STARD13: variants seen among roughly 807,000 people sequenced by gnomAD.
STARD13 encodes the protein stAR-related lipid transfer protein 13.
A neutral mutation model predicts 106.4 loss-of-function variants in STARD13; 62 were observed. The observed-to-expected ratio is 0.58, with a 90% CI of 0.48 to 0.72. The LOEUF (loss-of-function observed/expected upper bound fraction) is 0.72, where lower values mean the gene tolerates loss of function less well. Among genes scored for constraint, STARD13 ranks in the 30% least tolerant of loss-of-function variants. STARD13 has a pLI of 0.00. For missense variants in STARD13, 1,387 were observed against 1,424.0 expected, an observed-to-expected ratio of 0.97 and a Z score of 0.42; for synonymous variants, 565 against 553.0, an observed-to-expected ratio of 1.02 and a Z score of -0.31.
At chr13:33,652,543 G>C in the STARD13 span, among the ~76,000 whole-genome samples, 1 of 152,136 alleles carries the variant, frequency 6.6e-6, no homozygotes, top group Admixed American at 6.5e-5. Context: ...ACTCTTAACA[G>C]CTTCATAATT....
intron 1 of STARD13, chr13:33,272,883 A>G (rs1891229703): frequency 6.6e-6 from 1 of 152,240 alleles, no homozygotes; most frequent in Non-Finnish European, 1.5e-5. Flanking sequence ...AAATGCAATT[A>G]TCAATTGGGA....
chr13:33,489,502 C>T, the STARD13 span, among the ~76,000 whole-genome samples: 1 of 152,126 alleles, frequency 6.6e-6, no homozygotes, highest in East Asian at 1.9e-4. Flanking sequence ...TAATACATGA[C>T]TTAGAGAAAT....
Position 33,305,252 on chromosome 13 carries a change from T to C in STARD13, c.124+45038A>G, listed in dbSNP as rs371515836. Among the ~76,000 whole-genome samples the C allele has an allele frequency of 4.5e-4, 69 of 152,304 alleles. No individual in the cohort carries two copies. In the South Asian group the frequency reaches 4.6e-3, roughly 10 times the overall value. ...GGTACATTTCTTCATTCCTTCACCA[T>C]ACATTTAATGAGCACTTACTTTACT... On this transcript the variant is annotated intron_variant, in intron 1 of 5. Transcript: ENST00000567873.
the STARD13 span, among the ~76,000 whole-genome samples, chr13:33,453,668 T>C: frequency 1.6e-4 from 25 of 152,224 alleles, no homozygotes; most frequent in African/African-American, 5.5e-4. Flanking sequence ...AAAACTATTA[T>C]TGACCAAAAC....
At chr13:33,389,892 G>C in the STARD13 span, among the ~76,000 whole-genome samples, 2 of 152,098 alleles carry the variant, frequency 1.3e-5, no homozygotes, top group Admixed American at 6.5e-5. Context: ...CACAAGTCTG[G>C]AAGTAATTCA....
intron 1 of STARD13, among the ~76,000 whole-genome samples, chr13:33,191,458 G>A (rs1249954835): frequency 1.3e-5 from 2 of 152,160 alleles, no homozygotes; most frequent in South Asian, 2.1e-4. Flanking sequence ...GAAATGTTGT[G>A]TTGAAGTCGG....
intron 1 of STARD13, among the ~76,000 whole-genome samples, chr13:33,315,508 C>T (rs527652652): frequency 6.6e-6 from 1 of 152,102 alleles, no homozygotes; most frequent in Non-Finnish European, 1.5e-5. Context: ...ACCCTTAAGA[C>T]CCTTAATTGG....
intron 1 of STARD13, among the ~76,000 whole-genome samples, chr13:33,187,603 T>C (rs1885886244): frequency 6.6e-6 from 1 of 151,976 alleles, no homozygotes. Context: ...GCTTTCCAGA[T>C]CAGTTTTTAA....
chr13:33,122,692 G>A lies in STARD13; in HGVS notation c.2082+3389C>T, dbSNP rs182540526. The stretch of plus-strand genomic sequence containing the variant: ...CTTTTGAAGATAAAAGGCGAGTGAT[G>A]AGTGTCCCCTTGGTCTAGTTTTCCT... On this transcript the variant is annotated intron_variant, in intron 7 of 13. Transcript: ENST00000336934. Among the ~76,000 whole-genome samples the A allele has an allele frequency of 4.9e-3, 753 of 152,286 alleles. 21 individuals are homozygous for A. Among genetic ancestry groups the A allele is most frequent in the East Asian group, 1.4e-3 (7 of 5,178 alleles).
At chr13:33,132,380 A>C (rs895616596) in intron 4 of STARD13, among the ~76,000 whole-genome samples, 8 of 152,136 alleles carry the variant, frequency 5.3e-5, no homozygotes, top group Non-Finnish European at 1.0e-4. Context: ...ATGAGAGCTG[A>C]TGGTTTTATA....
At chr13:33,257,170 A>C (rs560893320) in intron 1 of STARD13, among the ~76,000 whole-genome samples, 69 of 152,344 alleles carry the variant, frequency 4.5e-4, no homozygotes, top group Middle Eastern at 3.4e-3. Context: ...AAAAGGTGCA[A>C]AGTCTGACCT....
the STARD13 span, among the ~76,000 whole-genome samples, chr13:33,367,773 C>G: frequency 1.3e-5 from 2 of 151,790 alleles, no homozygotes. Flanking sequence ...TTGGGGAAAA[C>G]TCAGTTCTCA....
the STARD13 span, among the ~76,000 whole-genome samples, chr13:33,462,321 G>A: frequency 6.6e-6 from 1 of 152,140 alleles, no homozygotes; most frequent in Non-Finnish European, 1.5e-5. Flanking sequence ...TTTACTTTCT[G>A]TACCATTCAC....
chr13:33,398,301 G>A, the STARD13 span, among the ~76,000 whole-genome samples: 1 of 152,140 alleles, frequency 6.6e-6, no homozygotes, highest in Admixed American at 6.5e-5. Flanking sequence ...AATCATTCTT[G>A]ACACTACCTT....
At chr13:33,280,877 A>G (rs138368352) in intron 1 of STARD13, 1 of 152,336 alleles carries the variant, frequency 6.6e-6, no homozygotes, top group East Asian at 1.9e-4. Context: ...AGGTCTAGAG[A>G]AGCTGTGACT....
intron 1 of STARD13, among the ~76,000 whole-genome samples, chr13:33,284,285 A>T (rs1891944732): frequency 6.6e-6 from 1 of 152,222 alleles, no homozygotes; most frequent in Non-Finnish European, 1.5e-5. Context: ...TTTCCAAGGA[A>T]ACAATCTCAT....
the STARD13 span, chr13:33,439,564 G>A: frequency 2.5e-6 from 1 of 404,656 alleles, no homozygotes; most frequent in Non-Finnish European, 4.5e-6. Flanking sequence ...ACATCATACT[G>A]TATCCATCAA....
intron 1 of STARD13, among the ~76,000 whole-genome samples, chr13:33,198,054 T>C (rs797197): frequency 0.41 from 60,178 of 147,528 alleles, 12,076 homozygotes; most frequent in African/African-American, 0.48. Context: ...CCTGTAGTCC[T>C]AGCTACTTAG....
intron 1 of STARD13, among the ~76,000 whole-genome samples, chr13:33,193,250 C>A (rs1594083734): frequency 6.6e-6 from 1 of 152,128 alleles, no homozygotes; most frequent in Admixed American, 6.5e-5. Flanking sequence ...GAAAAGAGAT[C>A]ATCTATACAG....
Sources: gnomAD v4.1 joint callset for allele counts (sites outside exome capture counted in the v4.1 genomes callset) on GRCh38, gnomAD v4.1.1 for gene constraint, MANE v1.5 for transcripts, NCBI Gene and HGNC (gene_info 2026-07-23, HGNC 2026-07-21) for gene names.